CYYR1: variants seen among roughly 807,000 people sequenced by gnomAD.
CYYR1 encodes the protein cysteine and tyrosine rich 1.
A neutral mutation model predicts 15.2 loss-of-function variants in CYYR1; 14 were observed. The observed-to-expected ratio is 0.92, with a 90% CI of 0.61 to 1.44. CYYR1 has a LOEUF of 1.44. CYYR1 is among the 40% of genes most tolerant of loss of function. The probability of loss-of-function intolerance (pLI) is 0.00; values close to 1 mark genes in which losing one functional copy is unlikely to be tolerated. For missense variants in CYYR1, 228 were observed against 209.5 expected (o/e 1.09, Z -0.54); for synonymous variants, 80 against 77.4 (o/e 1.03, Z -0.18).
chr21:26,569,183 C>T (rs954501620), intron 1 of CYYR1: 2 of 151,994 alleles, frequency 1.3e-5, no homozygotes, highest in African/African-American at 4.8e-5. Flanking sequence ...TGATTCATCC[C>T]AAGTGTTCAT....
intron 2 of CYYR1, among the ~76,000 whole-genome samples, chr21:26,544,369 A>G (rs1456805748): frequency 6.6e-6 from 1 of 152,238 alleles, no homozygotes; most frequent in African/African-American, 2.4e-5. Flanking sequence ...TTTATGAATC[A>G]TATGTTAAAA....
intron 1 of CYYR1, chr21:26,568,216 T>G (rs1356589203): frequency 6.6e-6 from 1 of 152,236 alleles, no homozygotes; most frequent in Non-Finnish European, 1.5e-5. Flanking sequence ...TCATTTTTAG[T>G]GCTGTTTAAT....
chr21:26,522,285 G>A (rs1373929493), intron 2 of CYYR1, among the ~76,000 whole-genome samples: 1 of 152,144 alleles, frequency 6.6e-6, no homozygotes, highest in South Asian at 2.1e-4. Flanking sequence ...GGACTTGAAA[G>A]TCCCTAAAAT....
rs1289510712 is a variant in CYYR1, at chr21:26,566,300, A to G, written c.142T>C (p.Cys48Arg). 3 of 1,613,938 alleles carry G rather than the reference A, an allele frequency of 1.9e-6. No homozygotes were observed. In the East Asian group the frequency reaches 6.7e-5, roughly 36 times the overall value. ...YCCDGTTPYC[C>R]SYYAYIGNIL... is the part of the protein sequence containing the mutation. Reference sequence around the variant, plus strand: ...TTCCCAATATAAGCGTAGTAGGAGCAACAGTAGGGCGTGGTTCCATCACAG... The same window carrying G: ...TTCCCAATATAAGCGTAGTAGGAGCGACAGTAGGGCGTGGTTCCATCACAG... Residue 48 changes from cysteine to arginine, a missense_variant, in exon 2 of 4, where the codon TGC becomes CGC. Physicochemically the swap from Cys to Arg is radical, Grantham distance 180. Transcript: ENST00000652641.
intron 2 of CYYR1, among the ~76,000 whole-genome samples, chr21:26,502,024 A>T (rs1314464721): frequency 2.0e-5 from 3 of 152,214 alleles, no homozygotes; most frequent in Non-Finnish European, 2.9e-5. Flanking sequence ...CAGTAAAAAA[A>T]ATCTCTCCAT....
chr21:26,483,483 C>T, intron 2 of CYYR1: 1 of 950,492 alleles, frequency 1.1e-6, no homozygotes, highest in Non-Finnish European at 1.3e-6. Context: ...GACAGGTGAA[C>T]TCCAAAGAAC....
chr21:26,511,856 C>T (rs1033611931), intron 2 of CYYR1, among the ~76,000 whole-genome samples: 2 of 152,148 alleles, frequency 1.3e-5, no homozygotes, highest in Non-Finnish European at 2.9e-5. Flanking sequence ...GTCATGGTGC[C>T]AAGTTGATGA....
intron 2 of CYYR1, among the ~76,000 whole-genome samples, chr21:26,547,752 C>A (rs868463464): frequency 4.0e-5 from 6 of 151,626 alleles, no homozygotes; most frequent in Non-Finnish European, 5.9e-5. Context: ...TTGTTCCTTC[C>A]TGCTGAAAGT....
intron 2 of CYYR1, among the ~76,000 whole-genome samples, chr21:26,485,687 G>A (rs4817119): frequency 0.8 from 122,271 of 151,980 alleles, 49,937 homozygotes; most frequent in Non-Finnish European, 0.85. Context: ...AGCAGTCCAT[G>A]ATATGGCTAT....
At chr21:26,534,677 C>T (rs2830271) in intron 2 of CYYR1, among the ~76,000 whole-genome samples, 2 of 152,002 alleles carry the variant, frequency 1.3e-5, no homozygotes, top group South Asian at 2.1e-4. Context: ...TCTGCATTTT[C>T]GTAACTGTTC....
At chr21:26,547,491 A>T (rs1979053336) in intron 2 of CYYR1, among the ~76,000 whole-genome samples, 2 of 152,142 alleles carry the variant, frequency 1.3e-5, no homozygotes, top group Admixed American at 6.5e-5. Context: ...TAATTTGCCT[A>T]AAAACAATTT....
intron 2 of CYYR1, among the ~76,000 whole-genome samples, chr21:26,527,131 T>C (rs1479297822): frequency 6.6e-6 from 1 of 152,210 alleles, no homozygotes; most frequent in Non-Finnish European, 1.5e-5. Flanking sequence ...CGTAACTCTA[T>C]TCTGCACGAG....
At chr21:26,526,449 AC>A (rs577259724) in intron 2 of CYYR1, among the ~76,000 whole-genome samples, 15 of 151,902 alleles carry the variant, frequency 9.9e-5, no homozygotes, top group Non-Finnish European at 1.9e-4. Flanking sequence ...TTCTGGCCCC[AC>A]CCCCCAACAA....
chr21:26,499,081 T>C (rs888576360), intron 2 of CYYR1, among the ~76,000 whole-genome samples: 3 of 152,092 alleles, frequency 2.0e-5, no homozygotes, highest in Non-Finnish European at 2.9e-5. Context: ...GGGACACTAA[T>C]TGGGAGGCTG....
intron 3 of CYYR1, among the ~76,000 whole-genome samples, chr21:26,476,447 T>C (rs2065104146): frequency 6.6e-6 from 1 of 152,162 alleles, no homozygotes. Flanking sequence ...GTTGATGATT[T>C]TTGGCTAACT....
chr21:26,490,602 T>A lies in CYYR1; in HGVS notation c.177-10173A>T, dbSNP rs1254085838. The stretch of plus-strand genomic sequence containing the variant: ...TTCTTAATGCTATTTCTTGGTTACA[T>A]GTAACAGATTTTTGAATCAGAGAGT... On this transcript the variant is annotated intron_variant, in intron 2 of 3. Coordinates refer to ENST00000652641, the MANE Select transcript of CYYR1 (RefSeq NM_001320768.2). 2.0e-5 allele frequency among the ~76,000 whole-genome samples: 3 copies of A among 152,320 alleles called. No individual in the cohort carries two copies. The East Asian group carries it at 5.8e-4, about 29-fold the overall frequency.
rs114497539 is a variant in CYYR1 at position 26,500,641 on chromosome 21, C to T, written c.177-20212G>A. Among the ~76,000 whole-genome samples, 799 of 152,178 alleles carry T rather than the reference C, an allele frequency of 5.3e-3. 4 individuals are homozygous for T. The highest frequency in any genetic ancestry group is 0.018 in the African/African-American group (767 of 41,548). ...TCCTCTTTTTCTCTCTCCCCAACAA[C>T]AGCTCTCACACTGGTGGGCCTGCAC... On this transcript the variant is annotated intron_variant, in intron 2 of 3. Coordinates refer to ENST00000652641, the MANE Select transcript of CYYR1 (RefSeq NM_001320768.2).
At chr21:26,534,423 G>A (rs1207349420) in intron 2 of CYYR1, among the ~76,000 whole-genome samples, 1 of 152,028 alleles carries the variant, frequency 6.6e-6, no homozygotes, top group Non-Finnish European at 1.5e-5. Context: ...TCTCTACCTT[G>A]CTCCATCTTG....
intron 2 of CYYR1, among the ~76,000 whole-genome samples, chr21:26,495,596 C>A (rs1277239775): frequency 6.6e-6 from 1 of 152,202 alleles, no homozygotes; most frequent in East Asian, 1.9e-4. Flanking sequence ...TGGAGCAGAT[C>A]TGCGTGACTG....
Sources: gnomAD v4.1 joint callset for allele counts (sites outside exome capture counted in the v4.1 genomes callset) on GRCh38, gnomAD v4.1.1 for gene constraint, MANE v1.5 for transcripts, NCBI Gene and HGNC (gene_info 2026-07-23, HGNC 2026-07-21) for gene names.